SGPL1: variants seen among roughly 807,000 people sequenced by gnomAD.
The protein encoded by SGPL1 is sphingosine-1-phosphate lyase 1, also known as SP-lyase 1.
In SGPL1, 37 loss-of-function variants were observed where a neutral mutation model predicts 68.9. The observed-to-expected ratio is 0.54, with a 90% CI of 0.41 to 0.71. The LOEUF is 0.71. Ranked by LOEUF, SGPL1 falls within the 30% of genes least tolerant of loss-of-function variation. The pLI, the probability that SGPL1 is intolerant of heterozygous loss-of-function variation, is 0.00. For missense variants in SGPL1, 551 were observed against 704.6 expected (o/e 0.78, Z 2.47); for synonymous variants, 236 against 248.5 (o/e 0.95, Z 0.47).
chr10:70,833,331 A>T (rs189393531), intron 2 of SGPL1, among the ~76,000 whole-genome samples: 288 of 152,244 alleles, frequency 1.9e-3, no homozygotes, highest in Middle Eastern at 0.017. Flanking sequence ...GGATCTCTTG[A>T]CTCACATAGT....
chr10:70,824,465 G>T (rs534652335), intron 2 of SGPL1, among the ~76,000 whole-genome samples: 1 of 152,280 alleles, frequency 6.6e-6, no homozygotes, highest in African/African-American at 2.4e-5. Flanking sequence ...TGGACTATTT[G>T]TCTGAAAGAG....
chr10:70,873,702 G>A (rs1025330317), intron 12 of SGPL1, 113 bp downstream of exon 12: 10 of 783,392 alleles, frequency 1.3e-5, no homozygotes, highest in African/African-American at 1.2e-4. Flanking sequence ...TGTCTCCTGC[G>A]ATATAGAGGG....
intron 2 of SGPL1, among the ~76,000 whole-genome samples, chr10:70,821,535 C>T (rs1470853113): frequency 2.6e-5 from 4 of 152,010 alleles, no homozygotes; most frequent in Non-Finnish European, 5.9e-5. Flanking sequence ...TGACCAGGGG[C>T]AATTTTGCCC....
chr10:70,817,088 C>T (rs1332497646), intron 2 of SGPL1, among the ~76,000 whole-genome samples: 2 of 152,128 alleles, frequency 1.3e-5, no homozygotes, highest in Non-Finnish European at 1.5e-5. Context: ...GGCATGATCT[C>T]GGCTCACCGC....
chr10:70,829,087 A>G (rs1353699324), intron 2 of SGPL1, among the ~76,000 whole-genome samples: 2 of 152,150 alleles, frequency 1.3e-5, no homozygotes, highest in Non-Finnish European at 2.9e-5. Flanking sequence ...CTTTCTGAAA[A>G]TGTTTTCAAA....
chr10:70,818,739 A>G (rs963883538), intron 2 of SGPL1, among the ~76,000 whole-genome samples: 3 of 152,210 alleles, frequency 2.0e-5, no homozygotes, highest in East Asian at 1.9e-4. Context: ...GCAGATCCCA[A>G]TGAAAAGTTC....
chr10:70,823,848 T>G (rs1473598162), intron 2 of SGPL1, among the ~76,000 whole-genome samples: 1 of 152,180 alleles, frequency 6.6e-6, no homozygotes, highest in Admixed American at 6.5e-5. Context: ...ATTTTCAGAT[T>G]TTTCTTTTGG....
At position 70,816,798 on chromosome 10, in the gene SGPL1, T is replaced by C; in HGVS notation, c.-43-13T>C. On this transcript the variant is annotated splice_polypyrimidine_tract_variant and intron_variant, in intron 1 of 14. Coordinates refer to ENST00000373202, the MANE Select transcript of SGPL1 (RefSeq NM_003901.4). Reference sequence around the variant, plus strand: ...AAGCTCTAGAAGTAAACAAACCTGGTTCCCTTTTACAGAGTCTGAAAAAGG... The same window carrying C: ...AAGCTCTAGAAGTAAACAAACCTGGCTCCCTTTTACAGAGTCTGAAAAAGG... 6.3e-7 allele frequency: 1 copy of C among 1,581,836 alleles called. No individual in the cohort carries two copies. The highest frequency in any genetic ancestry group is 8.7e-7 in the Non-Finnish European group (1 of 1,150,748).
chr10:70,853,660 G>C (rs150696258), intron 4 of SGPL1, among the ~76,000 whole-genome samples: 2 of 152,126 alleles, frequency 1.3e-5, no homozygotes, highest in African/African-American at 4.8e-5. Flanking sequence ...TTGTGAATAT[G>C]CAGTGAATAT....
chr10:70,845,543 G>T (rs1233250906), intron 3 of SGPL1, among the ~76,000 whole-genome samples: 1 of 152,088 alleles, frequency 6.6e-6, no homozygotes, highest in Non-Finnish European at 1.5e-5. Context: ...ACTTCTCAGG[G>T]TGCAGAAGAT....
chr10:70,862,281 T>G (rs904036711), intron 7 of SGPL1, among the ~76,000 whole-genome samples: 7 of 152,200 alleles, frequency 4.6e-5, no homozygotes, highest in African/African-American at 1.7e-4. Context: ...ACTCTGTATC[T>G]CGCTGCTCTG....
intron 3 of SGPL1, among the ~76,000 whole-genome samples, chr10:70,845,473 G>A (rs191603011): frequency 1.3e-4 from 20 of 152,140 alleles, no homozygotes; most frequent in Admixed American, 3.9e-4. Flanking sequence ...TCAGGGGATC[G>A]TATACTTTGA....
At chr10:70,824,984 G>GA (rs1845407510) in intron 2 of SGPL1, among the ~76,000 whole-genome samples, 1 of 42,670 alleles carries the variant, frequency 2.3e-5, no homozygotes, top group African/African-American at 8.1e-5. Flanking sequence ...TTTTTTTTTT[G>GA]AGACAAGTCT....
At position 70,871,117 on chromosome 10, in the gene SGPL1, G is replaced by A. The variant is rs567829989; in HGVS notation, c.880G>A (p.Val294Ile). 1.3e-4 allele frequency: 205 copies of A among 1,613,700 alleles called. 2 individuals are homozygous for A. The South Asian group carries it at 1.9e-3, about 15-fold the overall frequency. Residue 294 changes from valine (V) to isoleucine (I), a missense_variant, in exon 10 of 15, where the codon GTA becomes ATA. Val to Ile is a conservative substitution (Grantham distance 29). Coordinates refer to ENST00000373202, the MANE Select transcript of SGPL1 (RefSeq NM_003901.4). ...TTCTACCCCACAGTTTCCTCATGGT[G>A]TAATAGATCCTGTCCCTGAAGTGGC... is the stretch of plus-strand genomic sequence containing the variant. The part of the protein sequence containing the change: ...VCSTPQFPHG[V>I]IDPVPEVAKL...
chr10:70,841,023 G>T (rs1262747828), intron 2 of SGPL1, among the ~76,000 whole-genome samples: 1 of 152,040 alleles, frequency 6.6e-6, no homozygotes, highest in East Asian at 1.9e-4. Flanking sequence ...TCATCATCTC[G>T]TTCATGCACA....
Position 70,868,316 on chromosome 10 carries a change from CA to C in SGPL1, c.616-27del, listed in dbSNP as rs747580315. ...AGAGCCGGGGCATTCCTGACTCCCC[CA>C]ACAGATGGCATCTCTTCTTTATTAT... On this transcript the variant is annotated intron_variant, in intron 7 of 14. Transcript: ENST00000373202. 4 of 1,531,168 alleles carry C rather than the reference CA, an allele frequency of 2.6e-6. No homozygotes were observed. In the South Asian group the frequency reaches 4.8e-5, roughly 18 times the overall value. 94.8% of individuals were successfully genotyped at this position (1,531,168 alleles called of 1,614,324 possible).
At chr10:70,836,747 T>C (rs1845633303) in intron 2 of SGPL1, among the ~76,000 whole-genome samples, 3 of 150,328 alleles carry the variant, frequency 2.0e-5, no homozygotes, top group Admixed American at 2.0e-4. Context: ...ACTGCTTTTT[T>C]GTTTGTTTGT....
chr10:70,826,416 C>G (rs948979091), intron 2 of SGPL1, among the ~76,000 whole-genome samples: 1 of 152,174 alleles, frequency 6.6e-6, no homozygotes, highest in Admixed American at 6.5e-5. Flanking sequence ...GGGTAGCTGC[C>G]TGGGGTTCTA....
chr10:70,828,874 C>T (rs943335552), intron 2 of SGPL1, among the ~76,000 whole-genome samples: 3 of 152,074 alleles, frequency 2.0e-5, no homozygotes, highest in East Asian at 1.9e-4. Flanking sequence ...GTATTGAATT[C>T]CAGTCTTAAT....
Sources: allele counts gnomAD v4.1 joint callset (sites outside exome capture counted in the v4.1 genomes callset), GRCh38; gene constraint gnomAD v4.1.1; transcripts MANE v1.5; gene names NCBI Gene and HGNC (gene_info 2026-07-23, HGNC 2026-07-21).